The following KCNN2 variants were observed in gnomAD, a reference collection of about 807,000 sequenced individuals.
KCNN2 encodes small conductance calcium-activated potassium channel protein 2.
A neutral mutation model predicts 55.5 loss-of-function variants in KCNN2; 24 were observed. The ratio of observed to expected loss-of-function variants is 0.43; its 90% CI spans 0.31 to 0.61. The LOEUF (loss-of-function observed/expected upper bound fraction) is 0.61, where lower values mean the gene tolerates loss of function less well. KCNN2 is among the 20% of genes least tolerant of loss of function. The pLI, the probability that KCNN2 is intolerant of heterozygous loss-of-function variation, is 0.08. For synonymous variants in KCNN2, 431 were observed against 336.1 expected, an observed-to-expected ratio of 1.28 and a Z score of -3.09; for missense variants, 754 against 853.6, an observed-to-expected ratio of 0.88 and a Z score of 1.45.
At chr5:114,360,030 A>T (rs1324848758), upstream of KCNN2, among the ~76,000 whole-genome samples, 1 of 152,222 alleles carries the variant, frequency 6.6e-6, no homozygotes, top group Non-Finnish European at 1.5e-5. Context: ...TTGAAGATAC[A>T]GAACAAAAAT....
chr5:114,236,959 T>C (rs1313826333), intron 2 of KCNN2, among the ~76,000 whole-genome samples: 1 of 152,170 alleles, frequency 6.6e-6, no homozygotes, highest in Non-Finnish European at 1.5e-5. Context: ...CGGTAAAATA[T>C]ACCACATCAT....
chr5:114,398,780 A>G (rs337702), intron 2 of KCNN2, among the ~76,000 whole-genome samples: 35,168 of 151,876 alleles, frequency 0.23, 6,902 homozygotes, highest in African/African-American at 0.54. Context: ...TTGTATTCCT[A>G]GGTATTTTAT....
intron 2 of KCNN2, among the ~76,000 whole-genome samples, chr5:114,277,477 TCAAA>T (rs1755515814): frequency 6.6e-6 from 1 of 152,220 alleles, no homozygotes; most frequent in South Asian, 2.1e-4. Context: ...GGTACACCAA[TCAAA>T]CATAGATTTG....
chr5:114,375,794 A>G (rs951026060), intron 2 of KCNN2, among the ~76,000 whole-genome samples: 1 of 151,920 alleles, frequency 6.6e-6, no homozygotes, highest in Non-Finnish European at 1.5e-5. Flanking sequence ...AGCATGGGTG[A>G]TACAAAGAGA....
chr5:114,326,278 CG>C (rs1561572099), intron 2 of KCNN2, among the ~76,000 whole-genome samples: 1 of 151,894 alleles, frequency 6.6e-6, no homozygotes, highest in African/African-American at 2.4e-5. Flanking sequence ...ACAGAGGCCA[CG>C]GGGATAGGGA....
In KCNN2 at chr5:114,147,418, A is replaced by G. The variant is rs907650030; in HGVS notation, c.-270-74062A>G. 3.9e-5 allele frequency among the ~76,000 whole-genome samples: 6 copies of G among 152,196 alleles called. 1 individual carries two copies. Among genetic ancestry groups the G allele is most frequent in the African/African-American group, 1.4e-4 (6 of 41,444 alleles). ...TAGTGATACGTTGACGTCCTAACCC[A>G]ATTGAAGTGACCATTTGATCAAGAT... On this transcript the variant is annotated intron_variant, in intron 1 of 10. Transcript: ENST00000512097.
intron 1 of KCNN2, among the ~76,000 whole-genome samples, chr5:114,182,883 T>C (rs977911084): frequency 6.6e-6 from 1 of 152,224 alleles, no homozygotes; most frequent in Admixed American, 6.5e-5. Flanking sequence ...TTGCAATGGC[T>C]ACAATTTCAG....
chr5:114,300,529 A>G (rs1756133389), intron 2 of KCNN2, among the ~76,000 whole-genome samples: 1 of 152,244 alleles, frequency 6.6e-6, no homozygotes, highest in Admixed American at 6.5e-5. Flanking sequence ...AGTTATAGCA[A>G]TGGAAGATCA....
intron 2 of KCNN2, among the ~76,000 whole-genome samples, chr5:114,378,001 G>GGT (rs1321622980): frequency 6.6e-6 from 1 of 152,124 alleles, no homozygotes; most frequent in African/African-American, 2.4e-5. Flanking sequence ...AGTATCTCAA[G>GGT]GTGGGAAGGG....
intron 2 of KCNN2, among the ~76,000 whole-genome samples, chr5:114,371,813 T>A (rs536055298): frequency 6.6e-6 from 1 of 152,280 alleles, no homozygotes; most frequent in South Asian, 2.1e-4. Context: ...CCTCTTCAAA[T>A]GAGAAAGTCA....
intron 2 of KCNN2, among the ~76,000 whole-genome samples, chr5:114,328,145 G>A (rs1341045899): frequency 2.0e-5 from 3 of 152,120 alleles, no homozygotes; most frequent in Admixed American, 1.3e-4. Flanking sequence ...ATGCGTGGGT[G>A]GCTTTTGTTT....
At chr5:114,228,486 T>A (rs1754287342) in intron 2 of KCNN2, among the ~76,000 whole-genome samples, 1 of 152,084 alleles carries the variant, frequency 6.6e-6, no homozygotes, top group African/African-American at 2.4e-5. Flanking sequence ...ATCTAATTTT[T>A]TGAAATAAAA....
At chr5:114,382,495 C>T (rs1357002849) in intron 2 of KCNN2, among the ~76,000 whole-genome samples, 1 of 152,154 alleles carries the variant, frequency 6.6e-6, no homozygotes, top group Non-Finnish European at 1.5e-5. Context: ...CGTGTTTACT[C>T]ATATATTGGC....
chr5:114,156,420 A>G (rs1000130795), intron 1 of KCNN2, among the ~76,000 whole-genome samples: 8 of 152,164 alleles, frequency 5.3e-5, no homozygotes, highest in African/African-American at 1.9e-4. Flanking sequence ...TCTGTGAAGA[A>G]TGTCAATGGT....
chr5:114,079,406 G>C (rs1280925083), intron 1 of KCNN2, among the ~76,000 whole-genome samples: 1 of 152,150 alleles, frequency 6.6e-6, no homozygotes, highest in African/African-American at 2.4e-5. Context: ...TCAGGATCAA[G>C]TTAAACTCTT....
chr5:114,100,709 G>A (rs552525355), intron 1 of KCNN2, among the ~76,000 whole-genome samples: 2 of 152,150 alleles, frequency 1.3e-5, no homozygotes, highest in South Asian at 4.2e-4. Context: ...AGGAACTAAG[G>A]CTTCTTGGAG....
intron 2 of KCNN2, among the ~76,000 whole-genome samples, chr5:114,271,224 T>C (rs1044603287): frequency 2.0e-5 from 3 of 152,110 alleles, no homozygotes; most frequent in East Asian, 1.9e-4. Flanking sequence ...AGAGCACTGA[T>C]TGGTGCATTT....
intron 3 of KCNN2, among the ~76,000 whole-genome samples, chr5:114,419,301 A>T (rs1759401886): frequency 6.6e-6 from 1 of 152,258 alleles, no homozygotes; most frequent in African/African-American, 2.4e-5. Flanking sequence ...AGATTATGTG[A>T]TAGAGACTAT....
intron 1 of KCNN2, among the ~76,000 whole-genome samples, chr5:114,144,831 A>G (rs1752364255): frequency 8.4e-6 from 1 of 119,322 alleles, no homozygotes; most frequent in South Asian, 2.9e-4. Context: ...AATAGGTTGT[A>G]TGAGAGGTGG....
Sources: allele counts gnomAD v4.1 joint callset (sites outside exome capture counted in the v4.1 genomes callset), GRCh38; gene constraint gnomAD v4.1.1; transcripts MANE v1.5; gene names NCBI Gene and HGNC (gene_info 2026-07-23, HGNC 2026-07-21).